Variants in MTREX observed in about 807,000 individuals in gnomAD.
MTREX encodes Mtr4 exosome RNA helicase, also known as exosome RNA helicase MTR4.
Under a neutral mutation model 135.4 loss-of-function variants are expected in MTREX, and 76 were observed. The ratio of observed to expected loss-of-function variants is 0.56; its 90% CI spans 0.47 to 0.68. MTREX has a LOEUF of 0.68. Ranked by LOEUF, MTREX falls within the 30% of genes least tolerant of loss-of-function variation. MTREX has a pLI of 0.00. For synonymous variants in MTREX, 404 were observed against 401.6 expected, an observed-to-expected ratio of 1.01 and a Z score of -0.07; for missense variants, 920 against 1,262.1, an observed-to-expected ratio of 0.73 and a Z score of 4.11.
intron 20 of MTREX, among the ~76,000 whole-genome samples, chr5:55,398,614 C>A (rs993888001): frequency 1.3e-5 from 2 of 152,192 alleles, no homozygotes; most frequent in African/African-American, 4.8e-5. Context: ...ACACATTAAT[C>A]ATTATTAACT....
intron 15 of MTREX, among the ~76,000 whole-genome samples, chr5:55,361,942 G>A (rs1750019035): frequency 7.0e-6 from 1 of 143,552 alleles, no homozygotes; most frequent in Admixed American, 6.9e-5. Context: ...TTGGAGACAA[G>A]GTCTTGCTCT....
At chr5:55,384,303 A>C (rs939708845) in intron 18 of MTREX, among the ~76,000 whole-genome samples, 2 of 151,996 alleles carry the variant, frequency 1.3e-5, no homozygotes, top group Non-Finnish European at 2.9e-5. Flanking sequence ...TCCTCTAGTA[A>C]TTTTCCTCAC....
At chr5:55,377,842 C>A (rs1307303531) in intron 16 of MTREX, among the ~76,000 whole-genome samples, 1 of 152,076 alleles carries the variant, frequency 6.6e-6, no homozygotes, top group Non-Finnish European at 1.5e-5. Context: ...GCTGCTTTTT[C>A]TCCCCAAGGC....
intron 21 of MTREX, 118 bp downstream of exon 21, chr5:55,400,539 C>G: frequency 3.1e-6 from 2 of 641,800 alleles, no homozygotes; most frequent in East Asian, 2.8e-5. Flanking sequence ...TGTGAGCTAT[C>G]TTTTAAATAA....
chr5:55,369,731 A>G (rs911086652), intron 16 of MTREX, among the ~76,000 whole-genome samples: 1 of 152,126 alleles, frequency 6.6e-6, no homozygotes, highest in African/African-American at 2.4e-5. Context: ...AGGCCGAGAA[A>G]GTCATTTAAA....
chr5:55,345,962 C>T (rs780388741), intron 10 of MTREX, among the ~76,000 whole-genome samples: 7 of 152,130 alleles, frequency 4.6e-5, no homozygotes, highest in African/African-American at 7.2e-5. Context: ...CCACTGTGCC[C>T]GGCTATTTTG....
chr5:55,421,097 T>C (rs170738), intron 25 of MTREX, among the ~76,000 whole-genome samples: 80,891 of 152,022 alleles, frequency 0.53, 22,201 homozygotes, highest in Non-Finnish European at 0.61. Flanking sequence ...TTTTGTTTTG[T>C]TTCGGTTTTG....
chr5:55,424,955 T>A lies in MTREX; in HGVS notation c.*183T>A, dbSNP rs543963093. On this transcript the variant is annotated 3_prime_UTR_variant, in exon 27 of 27. Coordinates refer to ENST00000230640, the MANE Select transcript of MTREX (RefSeq NM_015360.5). Reference sequence around the variant, plus strand: ...TTTATACATAAGCATTACATTTTTTTAATAAAAATGTATACAGGTGGGGCA... The same window carrying A: ...TTTATACATAAGCATTACATTTTTTAAATAAAAATGTATACAGGTGGGGCA... 6.2e-6 allele frequency: 4 copies of A among 641,844 alleles called. No individual in the cohort carries two copies. In the South Asian group the frequency reaches 6.7e-5, roughly 11 times the overall value. The allele number at this position is 641,844 out of a possible 1,614,324, so 39.8% of individuals were successfully genotyped here. A position where few individuals can be genotyped will look rare whatever the true frequency, so the allele number is the denominator to read the frequency against.
intron 18 of MTREX, among the ~76,000 whole-genome samples, chr5:55,386,594 G>A (rs1024788953): frequency 8.5e-5 from 13 of 152,062 alleles, no homozygotes; most frequent in African/African-American, 2.9e-4. Context: ...GTTGGTTTTA[G>A]TAGCTCTGCA....
chr5:55,412,167 G>A (rs1299371367), intron 23 of MTREX, among the ~76,000 whole-genome samples: 2 of 152,072 alleles, frequency 1.3e-5, no homozygotes, highest in Non-Finnish European at 2.9e-5. Context: ...ATGGAAGATT[G>A]TACTGATTGT....
At chr5:55,319,737 A>G (rs1044997259) in intron 1 of MTREX, among the ~76,000 whole-genome samples, 2 of 152,226 alleles carry the variant, frequency 1.3e-5, no homozygotes, top group Non-Finnish European at 2.9e-5. Context: ...CGTACATACC[A>G]AGCTATGAGA....
intron 23 of MTREX, among the ~76,000 whole-genome samples, chr5:55,411,471 T>C (rs1201365890): frequency 6.6e-6 from 1 of 152,166 alleles, no homozygotes; most frequent in African/African-American, 2.4e-5. Context: ...CTCTTAAATC[T>C]TGGGGCAAGA....
chr5:55,402,848 A>ATGTGTGTGTGTGTG (rs1206609714), intron 21 of MTREX, among the ~76,000 whole-genome samples: 1 of 44,908 alleles, frequency 2.2e-5, no homozygotes, highest in African/African-American at 7.1e-5. Context: ...GTGTATGTGT[A>ATGTGTGTGTGTGTG]TGTATGTGTG....
intron 22 of MTREX, among the ~76,000 whole-genome samples, chr5:55,407,095 TCAGCATGGC>T (rs1428463981): frequency 1.3e-5 from 2 of 152,232 alleles, no homozygotes; most frequent in African/African-American, 4.8e-5. Flanking sequence ...TTTTATGTAC[TCAGCATGGC>T]CAGGATGGAC....
Position 55,324,178 on chromosome 5 carries a change from G to A in MTREX, c.319G>A (p.Val107Ile). 3.7e-6 allele frequency: 6 copies of A among 1,610,504 alleles called. No individual in the cohort carries two copies. The highest frequency in any genetic ancestry group is 5.1e-6 in the Non-Finnish European group (6 of 1,178,272). Residue 107 changes from valine (V) to isoleucine (I), a missense_variant, in exon 3 of 27, where the codon GTT (valine) becomes ATT (isoleucine). Val to Ile is a conservative substitution (Grantham distance 29). Coordinates refer to ENST00000230640, the MANE Select transcript of MTREX (RefSeq NM_015360.5). The part of the protein sequence containing the change: ...PRVKVQSVET[V>I]EGCTHEVALP... ...AGTCAAGGTACAATCAGTTGAAACT[G>A]TTGAAGGGTGTACACATGAGGTAAG...
At chr5:55,406,208 C>T (rs544548120) in intron 22 of MTREX, among the ~76,000 whole-genome samples, 1 of 152,236 alleles carries the variant, frequency 6.6e-6, no homozygotes, top group South Asian at 2.1e-4. Flanking sequence ...GTGACTTTAT[C>T]CTCTTATTGT....
At position 55,308,088 on chromosome 5, in the gene MTREX, AGACAAG is replaced by A; in HGVS notation, c.78_83del (p.Asp26_Lys27del). On this transcript the variant is annotated inframe_deletion, in exon 1 of 27. Coordinates refer to ENST00000230640, the MANE Select transcript of MTREX (RefSeq NM_015360.5). ...CGACCACTGCGGCGGGAACCAAAAA[AGACAAG>A]GAAAAGGACAAGGGGAAATGGAAGG... 1 of 1,614,038 alleles carries A rather than the reference AGACAAG, an allele frequency of 6.2e-7. No individual in the cohort carries two copies. Among genetic ancestry groups the A allele is most frequent in the Non-Finnish European group, 8.5e-7 (1 of 1,179,976 alleles).
At chr5:55,411,694 T>C (rs189067015) in intron 23 of MTREX, among the ~76,000 whole-genome samples, 1 of 152,296 alleles carries the variant, frequency 6.6e-6, no homozygotes, top group East Asian at 1.9e-4. Context: ...GTTTATGCTT[T>C]CCTGGGATTG....
chr5:55,413,323 G>A lies in MTREX; in HGVS notation c.2752-859G>A, dbSNP rs374002853. 1.0e-3 allele frequency among the ~76,000 whole-genome samples: 151 copies of A among 144,876 alleles called. 2 individuals carry two copies. The East Asian group carries it at 0.027, about 26-fold the overall frequency. The stretch of plus-strand genomic sequence containing the variant: ...TTGCACTCCAGCTGGGCAACAGAGC[G>A]AGACTCTGTCTCAAAAAAAAAAAAA... On this transcript the variant is annotated intron_variant, in intron 23 of 26. Coordinates refer to ENST00000230640, the MANE Select transcript of MTREX (RefSeq NM_015360.5).
Sources: allele counts gnomAD v4.1 joint callset (sites outside exome capture counted in the v4.1 genomes callset), GRCh38; gene constraint gnomAD v4.1.1; transcripts MANE v1.5; gene names NCBI Gene and HGNC (gene_info 2026-07-23, HGNC 2026-07-21).